The following NFASC variants were observed in gnomAD, a reference collection of about 807,000 sequenced individuals.
The protein encoded by NFASC is neurofascin.
In NFASC, 43 loss-of-function variants were observed where a neutral mutation model predicts 147.5. That is an observed-to-expected ratio of 0.29 (90% CI 0.23 to 0.38). NFASC has a LOEUF of 0.38. Among genes scored for constraint, NFASC ranks in the 10% least tolerant of loss-of-function variants. The pLI, the probability that NFASC is intolerant of heterozygous loss-of-function variation, is 1.00. For synonymous variants in NFASC, 622 were observed against 665.5 expected (o/e 0.93, Z 1.01); for missense variants, 1,320 against 1,689.0 (o/e 0.78, Z 3.83).
intron 2 of NFASC, among the ~76,000 whole-genome samples, chr1:204,937,062 G>A (rs550636579): frequency 6.6e-6 from 1 of 152,172 alleles, no homozygotes; most frequent in Admixed American, 6.5e-5. Context: ...TTCAGGTCTT[G>A]GTCAGATGGC....
intron 2 of NFASC, among the ~76,000 whole-genome samples, chr1:204,939,350 A>G (rs1424399346): frequency 6.6e-6 from 1 of 152,154 alleles, no homozygotes; most frequent in African/African-American, 2.4e-5. Context: ...GTATTGTGGC[A>G]CGGCTGCATT....
At chr1:204,958,846 G>A (rs1028073995) in intron 8 of NFASC, among the ~76,000 whole-genome samples, 10 of 152,232 alleles carry the variant, frequency 6.6e-5, no homozygotes, top group South Asian at 2.1e-4. Context: ...ATGGCTCCCC[G>A]GGTGGGTGTG....
chr1:204,901,688 G>A (rs918786575), intron 1 of NFASC, among the ~76,000 whole-genome samples: 3 of 152,102 alleles, frequency 2.0e-5, no homozygotes, highest in East Asian at 1.9e-4. Context: ...GCAGTAGCCC[G>A]AGGGGAGAGT....
Position 204,973,301 on chromosome 1 carries a change from G to T in NFASC, c.1161G>T (p.Glu387Asp), listed in dbSNP as rs753177709. 6.2e-7 allele frequency: 1 copy of T among 1,614,224 alleles called. No individual in the cohort carries two copies. The highest frequency in any genetic ancestry group is 8.5e-7 in the Non-Finnish European group (1 of 1,180,046). Residue 387 changes from glutamate to aspartate, a missense_variant, in exon 12 of 30, where the codon GAG (glutamate) becomes GAT (aspartate). Glu to Asp is a conservative substitution (Grantham distance 45). Around this residue, in one of 3 missense-constraint regions of NFASC, gnomAD observed 981 missense variants for 1,289.5 expected, o/e 0.76. Transcript: ENST00000339876. ...LQSAPPNPNREVAGDTIIFRD... is the reference protein window; with the variant it reads ...LQSAPPNPNRDVAGDTIIFRD... ...CGGCACCACCTAACCCAAACCGTGA[G>T]GTGGCCGGAGACACCATCATCTTCC...
At chr1:204,882,382 C>T (rs2080434984) in intron 1 of NFASC, among the ~76,000 whole-genome samples, 1 of 152,178 alleles carries the variant, frequency 6.6e-6, no homozygotes, top group South Asian at 2.1e-4. Context: ...CCAGCCAGCT[C>T]TAGCCTTGGG....
chr1:204,978,872 G>A (rs1265681083), intron 17 of NFASC, 96 bp from the exon 18 acceptor site: 7 of 955,904 alleles, frequency 7.3e-6, no homozygotes, highest in Admixed American at 2.6e-5. Context: ...AGCTGGTAGC[G>A]AAGACAGCCC....
chr1:204,888,808 G>C (rs933126097), intron 1 of NFASC, among the ~76,000 whole-genome samples: 1 of 152,212 alleles, frequency 6.6e-6, no homozygotes, highest in African/African-American at 2.4e-5. Flanking sequence ...TCTAGGGCTG[G>C]CCATTTTGTA....
In NFASC at chr1:204,954,275, T is replaced by G; in HGVS notation, c.303T>G (p.Ile101Met). Residue 101 changes from isoleucine (I) to methionine (M), a missense_variant, in exon 6 of 30, where the codon ATT becomes ATG. Physicochemically the swap from Ile to Met is conservative, Grantham distance 10. This residue lies in a region of NFASC where 981 missense variants were observed against 1,289.5 expected (regional missense o/e 0.76). Coordinates refer to ENST00000339876, the MANE Select transcript of NFASC (RefSeq NM_001005388.3). The surrounding 1 kb of genome is among the most constrained non-coding windows in gnomAD (Gnocchi z 5.7). ...GGAGGAGGTCTGGGACCCTGGTGAT[T>G]GACTTCCGCAGTGGCGGGCGGCCGG... ...SMRRRSGTLV[I>M]DFRSGGRPEE... The G allele has an allele frequency of 6.2e-7, 1 of 1,614,234 alleles. No individual in the cohort carries two copies. The highest frequency in any genetic ancestry group is 8.5e-7 in the Non-Finnish European group (1 of 1,180,044).
rs114732224 is a variant in NFASC, at chr1:204,832,762, G to A, written c.-200+3980G>A. ...AGAAATGAAACCAAATTAAGACTCAGCACAAGAACTGCTATAATTGAGGTT... is the reference window on the plus strand; with the variant it reads ...AGAAATGAAACCAAATTAAGACTCAACACAAGAACTGCTATAATTGAGGTT... On this transcript the variant is annotated intron_variant, in intron 1 of 29. Coordinates refer to ENST00000339876, the MANE Select transcript of NFASC (RefSeq NM_001005388.3). Among the ~76,000 whole-genome samples, 270 of 152,344 alleles carry A rather than the reference G, an allele frequency of 1.8e-3. 4 individuals are homozygous for A. Among genetic ancestry groups the A allele is most frequent in the African/African-American group, 6.1e-3 (254 of 41,578 alleles).
At chr1:204,950,433 C>A (rs571272895) in intron 3 of NFASC, 124 bp from the exon 4 acceptor site, 1 of 856,692 alleles carries the variant, frequency 1.2e-6, no homozygotes, top group Non-Finnish European at 1.9e-6. Context: ...CTGTGCTCAG[C>A]GCCCTCCCCA....
chr1:204,985,660 A>G lies in NFASC; in HGVS notation c.2471-1758A>G, dbSNP rs180785085. On this transcript the variant is annotated intron_variant, in intron 21 of 29. Coordinates refer to ENST00000339876, the MANE Select transcript of NFASC (RefSeq NM_001005388.3). ...GTTTGGCCAACTTGCTCATTCCCCA[A>G]AGACGTGGCATGGATCAGAAAATAA... Among the ~76,000 whole-genome samples the G allele has an allele frequency of 6.8e-4, 104 of 152,296 alleles. 2 individuals are homozygous for G. The East Asian group carries it at 8.1e-3, about 12-fold the overall frequency.
intron 29 of NFASC, among the ~76,000 whole-genome samples, chr1:205,013,616 A>G (rs1288209004): frequency 1.3e-5 from 2 of 152,182 alleles, no homozygotes; most frequent in African/African-American, 4.8e-5. Context: ...GCATCTTTGT[A>G]TGTGGGCTTA....
chr1:204,971,187 A>G (rs867059960), intron 11 of NFASC, among the ~76,000 whole-genome samples: 1 of 152,152 alleles, frequency 6.6e-6, no homozygotes, highest in East Asian at 1.9e-4. Context: ...CAAAAGAAGA[A>G]GCAGGGTTGT....
chr1:204,879,415 G>T (rs1336663934), intron 1 of NFASC, among the ~76,000 whole-genome samples: 3 of 152,192 alleles, frequency 2.0e-5, no homozygotes, highest in Admixed American at 6.5e-5. Context: ...GCTTGGGGGC[G>T]CTCACTGAAC....
intron 7 of NFASC, 65 bp downstream of exon 7, chr1:204,955,016 A>G: frequency 8.6e-7 from 1 of 1,165,940 alleles, no homozygotes; most frequent in Non-Finnish European, 1.2e-6. Context: ...GGGTGTGTTA[A>G]GTGGGGAGGG....
intron 24 of NFASC, among the ~76,000 whole-genome samples, chr1:204,994,583 G>A (rs967738235): frequency 3.9e-5 from 6 of 152,226 alleles, no homozygotes; most frequent in Non-Finnish European, 8.8e-5. Context: ...CACTGCACCT[G>A]TAGGAAGGGA....
intron 7 of NFASC, among the ~76,000 whole-genome samples, chr1:204,955,427 T>C (rs2094381749): frequency 6.6e-6 from 1 of 152,174 alleles, no homozygotes; most frequent in African/African-American, 2.4e-5. Context: ...CCAAACCACC[T>C]CTTTCAATTA....
intron 1 of NFASC, among the ~76,000 whole-genome samples, chr1:204,850,930 A>G (rs1392250771): frequency 6.6e-6 from 1 of 152,226 alleles, no homozygotes; most frequent in Non-Finnish European, 1.5e-5. Flanking sequence ...AACTTCATAG[A>G]GTTAATGAGG....
At chr1:204,856,207 C>A (rs112575906) in intron 1 of NFASC, among the ~76,000 whole-genome samples, 13 of 152,148 alleles carry the variant, frequency 8.5e-5, no homozygotes, top group African/African-American at 3.1e-4. Context: ...GCCAAGAAGA[C>A]CCCTAAGAGT....
Sources: gnomAD v4.1 joint callset for allele counts (sites outside exome capture counted in the v4.1 genomes callset) on GRCh38, gnomAD v4.1.1 for gene constraint, gnomAD v4.1.1 regional missense constraint, Gnocchi (gnomAD v3.1) non-coding constraint, MANE v1.5 for transcripts, NCBI Gene and HGNC (gene_info 2026-07-23, HGNC 2026-07-21) for gene names.